TAFA2: variants seen among roughly 807,000 people sequenced by gnomAD.
TAFA2 encodes the protein TAFA chemokine like family member 2.
Under a neutral mutation model 18.8 loss-of-function variants are expected in TAFA2, and 7 were observed. The observed-to-expected ratio is 0.37, with a 90% CI of 0.21 to 0.70. The LOEUF (loss-of-function observed/expected upper bound fraction) is 0.70, where lower values mean the gene tolerates loss of function less well. Ranked by LOEUF, TAFA2 falls within the 30% of genes least tolerant of loss-of-function variation. The pLI, the probability that TAFA2 is intolerant of heterozygous loss-of-function variation, is 0.53. For synonymous variants in TAFA2, 60 were observed against 54.2 expected (o/e 1.11, Z -0.47); for missense variants, 122 against 158.1 (o/e 0.77, Z 1.23).
chr12:61,958,707 T>G (rs1035945531), intron 1 of TAFA2, among the ~76,000 whole-genome samples: 1 of 152,020 alleles, frequency 6.6e-6, no homozygotes, highest in African/African-American at 2.4e-5. Context: ...TAACCATCAC[T>G]ATTACATGTG....
intron 2 of TAFA2, among the ~76,000 whole-genome samples, chr12:61,860,611 T>TTGCTCTC (rs1445450756): frequency 1.5e-5 from 2 of 137,214 alleles, no homozygotes; most frequent in Non-Finnish European, 3.3e-5. Flanking sequence ...TCTTTGCTCT[T>TTGCTCTC]TGCTCTCTGC....
At chr12:62,030,243 G>A (rs1592560148) in intron 1 of TAFA2, among the ~76,000 whole-genome samples, 1 of 152,128 alleles carries the variant, frequency 6.6e-6, no homozygotes, top group East Asian at 1.9e-4. Flanking sequence ...TAAGGTCTGG[G>A]TATGAGTGAG....
At chr12:62,033,971 T>C (rs932817979) in intron 1 of TAFA2, among the ~76,000 whole-genome samples, 5 of 152,224 alleles carry the variant, frequency 3.3e-5, no homozygotes, top group East Asian at 1.9e-4. Context: ...CAAAAATGGC[T>C]GAATCTTGGC....
At chr12:61,762,412 G>T (rs1404976212) in intron 2 of TAFA2, among the ~76,000 whole-genome samples, 4 of 151,896 alleles carry the variant, frequency 2.6e-5, no homozygotes, top group African/African-American at 7.2e-5. Context: ...GAATTGGTTT[G>T]TTCACCTCTA....
At chr12:62,003,227 A>T (rs186609976) in intron 1 of TAFA2, among the ~76,000 whole-genome samples, 49 of 152,252 alleles carry the variant, frequency 3.2e-4, no homozygotes, top group African/African-American at 1.2e-3. Flanking sequence ...CACCTATTCA[A>T]TACTCTCAAG....
At chr12:62,251,185 A>G (rs965862161) in intron 1 of TAFA2, among the ~76,000 whole-genome samples, 1 of 152,212 alleles carries the variant, frequency 6.6e-6, no homozygotes, top group African/African-American at 2.4e-5. Flanking sequence ...GAATAATGAC[A>G]ACAGTATTAT....
At chr12:61,776,748 T>G (rs1009037818) in intron 2 of TAFA2, among the ~76,000 whole-genome samples, 14 of 151,918 alleles carry the variant, frequency 9.2e-5, no homozygotes, top group African/African-American at 3.4e-4. Flanking sequence ...CATAAAGATA[T>G]TTATATATTT....
At chr12:62,052,123 C>T (rs1251813131) in intron 1 of TAFA2, among the ~76,000 whole-genome samples, 2 of 151,968 alleles carry the variant, frequency 1.3e-5, no homozygotes. Flanking sequence ...TTCATGGGTG[C>T]CTCTGACATT....
chr12:61,770,404 G>A (rs1215990111), intron 2 of TAFA2, among the ~76,000 whole-genome samples: 1 of 152,024 alleles, frequency 6.6e-6, no homozygotes, highest in Non-Finnish European at 1.5e-5. Flanking sequence ...GAAATTCATT[G>A]CAAAAAGATC....
At chr12:61,835,922 G>T (rs981901020) in intron 2 of TAFA2, among the ~76,000 whole-genome samples, 3 of 151,880 alleles carry the variant, frequency 2.0e-5, no homozygotes, top group African/African-American at 7.2e-5. Flanking sequence ...CAGTTCAGCA[G>T]GGGATATAGT....
intron 1 of TAFA2, among the ~76,000 whole-genome samples, chr12:61,983,768 T>G (rs1879723232): frequency 6.6e-6 from 1 of 152,152 alleles, no homozygotes; most frequent in Non-Finnish European, 1.5e-5. Flanking sequence ...GAGCTGAAAA[T>G]GAGCTTAATA....
chr12:62,003,215 T>C (rs1565712010), intron 1 of TAFA2, among the ~76,000 whole-genome samples: 1 of 152,152 alleles, frequency 6.6e-6, no homozygotes, highest in African/African-American at 2.4e-5. Flanking sequence ...GGACCTGTCA[T>C]TCACCTATTC....
rs3031097 is a variant in TAFA2 at position 61,982,876 on chromosome 12, CA to C, written c.-1-115451del. 4.9e-3 allele frequency among the ~76,000 whole-genome samples: 498 copies of C among 101,604 alleles called. 13 individuals carry two copies. In the East Asian group the frequency reaches 0.076, roughly 16 times the overall value. The allele number at this position is 101,604 out of a possible 152,430, so 66.7% of individuals were successfully genotyped here. A position where few individuals can be genotyped will look rare whatever the true frequency, so the allele number is the denominator to read the frequency against. On this transcript the variant is annotated intron_variant, in intron 1 of 4. Transcript: ENST00000416284. ...TATATTCCCACCAGCAAGTGGAAGG[CA>C]AAAAAAAAAAAAAAAAAGTTACTTT... is the stretch of plus-strand genomic sequence containing the variant.
chr12:61,848,848 CTT>C (rs552662679), intron 2 of TAFA2, among the ~76,000 whole-genome samples: 8 of 140,838 alleles, frequency 5.7e-5, no homozygotes, highest in Admixed American at 2.2e-4. Context: ...ATGGTAGGTA[CTT>C]TTTTTTTTTT....
At chr12:61,865,341 AC>A (rs1353918529) in intron 2 of TAFA2, among the ~76,000 whole-genome samples, 1 of 152,098 alleles carries the variant, frequency 6.6e-6, no homozygotes, top group African/African-American at 2.4e-5. Flanking sequence ...CATATACACA[AC>A]CCTTATTATT....
intron 1 of TAFA2, among the ~76,000 whole-genome samples, chr12:61,960,175 C>G (rs992732201): frequency 6.6e-6 from 1 of 151,510 alleles, no homozygotes; most frequent in African/African-American, 2.4e-5. Context: ...TGTCATTCAC[C>G]ATTTTATGGG....
At chr12:62,250,229 C>G (rs768591240) in intron 1 of TAFA2, among the ~76,000 whole-genome samples, 40 of 152,150 alleles carry the variant, frequency 2.6e-4, no homozygotes, top group Non-Finnish European at 3.7e-4. Flanking sequence ...CAGTAATTTT[C>G]CCCTTGGCAC....
chr12:61,901,167 T>A (rs1876081029), intron 1 of TAFA2, among the ~76,000 whole-genome samples: 1 of 152,144 alleles, frequency 6.6e-6, no homozygotes, highest in African/African-American at 2.4e-5. Context: ...TGACTAATAA[T>A]CTTTTCCCAA....
At chr12:61,715,903 T>C (rs1869637060) in intron 4 of TAFA2, among the ~76,000 whole-genome samples, 1 of 151,260 alleles carries the variant, frequency 6.6e-6, no homozygotes, top group African/African-American at 2.4e-5. Context: ...GATGACACAA[T>C]GAGACTGTCT....
Sources: allele counts gnomAD v4.1 joint callset (sites outside exome capture counted in the v4.1 genomes callset), GRCh38; gene constraint gnomAD v4.1.1; transcripts MANE v1.5; gene names NCBI Gene and HGNC (gene_info 2026-07-23, HGNC 2026-07-21).